The following AQP11 variants were observed in gnomAD, a reference collection of about 807,000 sequenced individuals.
The protein encoded by AQP11 is aquaporin-11.
In AQP11, 20 loss-of-function variants were observed where a neutral mutation model predicts 21.1. That is an observed-to-expected ratio of 0.95 (90% CI 0.67 to 1.38). AQP11 has a LOEUF of 1.38. AQP11 is among the 40% of genes most tolerant of loss of function. The probability of loss-of-function intolerance (pLI) is 0.00; values close to 1 mark genes in which losing one functional copy is unlikely to be tolerated. For synonymous variants in AQP11, 167 were observed against 150.1 expected, an observed-to-expected ratio of 1.11 and a Z score of -0.82; for missense variants, 339 against 340.4, an observed-to-expected ratio of 1.00 and a Z score of 0.03.
chr11:77,594,785 G>A (rs1958768738), intron 1 of AQP11, among the ~76,000 whole-genome samples: 1 of 152,096 alleles, frequency 6.6e-6, no homozygotes, highest in South Asian at 2.1e-4. Context: ...CAGTGACCAA[G>A]TGTCTGTGTA....
At chr11:77,599,670 C>G (rs144491347) in intron 1 of AQP11, among the ~76,000 whole-genome samples, 1 of 151,822 alleles carries the variant, frequency 6.6e-6, no homozygotes, top group Admixed American at 6.6e-5. Context: ...TCAAAACCTC[C>G]GCCTCCCCGG....
chr11:77,601,896 G>A (rs1000869410), intron 1 of AQP11, among the ~76,000 whole-genome samples: 1 of 152,300 alleles, frequency 6.6e-6, no homozygotes, highest in African/African-American at 2.4e-5. Context: ...TTCCAAGAGA[G>A]CAAAAAGTGG....
chr11:77,590,137 C>G lies in AQP11; in HGVS notation c.145C>G (p.Leu49Val). 5.0e-6 allele frequency: 8 copies of G among 1,608,664 alleles called. No homozygotes were observed. Among genetic ancestry groups the G allele is most frequent in the Non-Finnish European group, 5.1e-6 (6 of 1,179,782 alleles). ...CAGGCCGGTGGCCCACGCCTTCGTC[C>G]TGGAGTTTCTAGCCACCTTCCAGCT... ...LHRPVAHAFVLEFLATFQLCC... is the reference protein window; with the variant it reads ...LHRPVAHAFVVEFLATFQLCC... Residue 49 changes from leucine to valine, a missense_variant, in exon 1 of 3, where the codon CTG (leucine) becomes GTG (valine). Coordinates refer to ENST00000313578, the MANE Select transcript of AQP11 (RefSeq NM_173039.3).
intron 2 of AQP11, among the ~76,000 whole-genome samples, chr11:77,606,492 C>G (rs1235611213): frequency 6.6e-6 from 1 of 152,128 alleles, no homozygotes; most frequent in Admixed American, 6.6e-5. Flanking sequence ...CCACTTACCC[C>G]CTAATAATCC....
In AQP11 at chr11:77,609,695, G is replaced by A. The variant is rs985758727; in HGVS notation, c.*318G>A. 1 of 185,850 alleles carries A rather than the reference G, an allele frequency of 5.4e-6. No individual in the cohort carries two copies. The highest frequency in any genetic ancestry group is 5.9e-5 in the Admixed American group (1 of 16,844). The allele number at this position is 185,850 out of a possible 1,614,324, so 11.5% of individuals were successfully genotyped here. A position where few individuals can be genotyped will look rare whatever the true frequency, so the allele number is the denominator to read the frequency against. On this transcript the variant is annotated 3_prime_UTR_variant, in exon 3 of 3. Transcript: ENST00000313578. ...GAAAAACGAGTACAGGATGAGAAGG[G>A]AAGTAAAGGTGATAGTAAGATCAAC...
chr11:77,589,981 G>A lies in AQP11; in HGVS notation c.-12G>A. 1 of 1,468,134 alleles carries A rather than the reference G, an allele frequency of 6.8e-7. No homozygotes were observed. Among genetic ancestry groups the A allele is most frequent in the Non-Finnish European group, 9.0e-7 (1 of 1,116,812 alleles). The allele number at this position is 1,468,134 out of a possible 1,614,324, so 90.9% of individuals were successfully genotyped here. A position where few individuals can be genotyped will look rare whatever the true frequency, so the allele number is the denominator to read the frequency against. ...GCCGGAGCCCGCAACCCGCTCAGGC[G>A]GCGACGGAGCCATGTCGCCGCTGCT... On this transcript the variant is annotated 5_prime_UTR_variant, in exon 1 of 3. Transcript: ENST00000313578.
chr11:77,597,839 C>T (rs551529250), intron 1 of AQP11, among the ~76,000 whole-genome samples: 9 of 151,938 alleles, frequency 5.9e-5, no homozygotes, highest in Non-Finnish European at 1.2e-4. Flanking sequence ...CTGCAACCTC[C>T]GACCCCCAGG....
intron 2 of AQP11, among the ~76,000 whole-genome samples, chr11:77,604,931 C>T (rs1958835334): frequency 6.6e-6 from 1 of 152,184 alleles, no homozygotes; most frequent in Admixed American, 6.5e-5. Flanking sequence ...CAGTGGCTCA[C>T]GCCTGTAATC....
chr11:77,597,177 A>G (rs1283715124), intron 1 of AQP11, among the ~76,000 whole-genome samples: 1 of 152,208 alleles, frequency 6.6e-6, no homozygotes, highest in Non-Finnish European at 1.5e-5. Context: ...AAATTTGTCC[A>G]TTGAAAATAA....
chr11:77,605,628 G>A lies in AQP11; in HGVS notation c.736+1956G>A, dbSNP rs368120200. Among the ~76,000 whole-genome samples the A allele has an allele frequency of 1.3e-4, 20 of 152,244 alleles. No homozygotes were observed. The South Asian group carries it at 3.9e-3, about 30-fold the overall frequency. The stretch of plus-strand genomic sequence containing the variant: ...TAACTAATGCCTGATGATCCAAGGT[G>A]GAACAGTTCCATCCCAAAACCATGC... On this transcript the variant is annotated intron_variant, in intron 2 of 2. Coordinates refer to ENST00000313578, the MANE Select transcript of AQP11 (RefSeq NM_173039.3).
chr11:77,591,481 G>T (rs1396519827), intron 1 of AQP11, among the ~76,000 whole-genome samples: 1 of 152,170 alleles, frequency 6.6e-6, no homozygotes, highest in Non-Finnish European at 1.5e-5. Context: ...GAAATTTGTG[G>T]TAATAATCTT....
chr11:77,591,000 C>T, intron 1 of AQP11: 2 of 985,398 alleles, frequency 2.0e-6, no homozygotes, highest in Non-Finnish European at 2.4e-6. Context: ...CCTGGCTTTA[C>T]AAAGTTCCTT....
chr11:77,604,204 C>T (rs1958831572), intron 2 of AQP11, among the ~76,000 whole-genome samples: 1 of 152,104 alleles, frequency 6.6e-6, no homozygotes, highest in South Asian at 2.1e-4. Context: ...TGTGCTTGAA[C>T]TCCTGGGCAC....
chr11:77,596,283 A>G (rs1398682972), intron 1 of AQP11, among the ~76,000 whole-genome samples: 2 of 150,834 alleles, frequency 1.3e-5, no homozygotes, highest in African/African-American at 4.9e-5. Context: ...TCTCCTAAAA[A>G]TACAAAAATG....
chr11:77,590,257 C>T lies in AQP11; in HGVS notation c.265C>T (p.His89Tyr), dbSNP rs1455793387. Residue 89 changes from histidine (H) to tyrosine (Y), a missense_variant, in exon 1 of 3, where the codon CAT becomes TAT. Coordinates refer to ENST00000313578, the MANE Select transcript of AQP11 (RefSeq NM_173039.3). Reference sequence around the variant, plus strand: ...GCTCGTCTACTTCTTCTCGCTTGTGCATGGCCTGACTCTGGTGGGCACGTC... The same window carrying T: ...GCTCGTCTACTTCTTCTCGCTTGTGTATGGCCTGACTCTGGTGGGCACGTC... Reference protein sequence around the residue: ...LTLVYFFSLVHGLTLVGTSSN... With the variant: ...LTLVYFFSLVYGLTLVGTSSN... The T allele has an allele frequency of 1.2e-6, 2 of 1,601,336 alleles. No homozygotes were observed. Among genetic ancestry groups the T allele is most frequent in the Non-Finnish European group, 1.7e-6 (2 of 1,172,944 alleles).
intron 1 of AQP11, among the ~76,000 whole-genome samples, chr11:77,597,320 C>T (rs1272078408): frequency 6.6e-6 from 1 of 152,176 alleles, no homozygotes; most frequent in African/African-American, 2.4e-5. Flanking sequence ...GTCTGTAATC[C>T]CAGCACTTTG....
Position 77,598,428 on chromosome 11 carries a change from A to G in AQP11, c.620-5128A>G, listed in dbSNP as rs148362391. Among the ~76,000 whole-genome samples, 596 of 152,366 alleles carry G rather than the reference A, an allele frequency of 3.9e-3. 11 individuals carry two copies. Among genetic ancestry groups the G allele is most frequent in the Admixed American group, 0.027 (406 of 15,304 alleles). ...CGGTTATACCTCTTCTTCAACATGCATGATTGTCATCTCCCCTTCAAATGT... is the reference window on the plus strand; with the variant it reads ...CGGTTATACCTCTTCTTCAACATGCGTGATTGTCATCTCCCCTTCAAATGT... On this transcript the variant is annotated intron_variant, in intron 1 of 2. Coordinates refer to ENST00000313578, the MANE Select transcript of AQP11 (RefSeq NM_173039.3).
At chr11:77,608,869 T>C (rs1958861237) in intron 2 of AQP11, among the ~76,000 whole-genome samples, 1 of 152,216 alleles carries the variant, frequency 6.6e-6, no homozygotes. Flanking sequence ...TTTCAGTTGC[T>C]TTATTCTCTA....
intron 1 of AQP11, chr11:77,591,085 C>T (rs1323105413): frequency 5.1e-6 from 5 of 983,628 alleles, no homozygotes; most frequent in Non-Finnish European, 6.0e-6. Context: ...CCATTTTAGT[C>T]CTATAAATGA....
Sources: allele counts gnomAD v4.1 joint callset (sites outside exome capture counted in the v4.1 genomes callset), GRCh38; gene constraint gnomAD v4.1.1; transcripts MANE v1.5; gene names NCBI Gene and HGNC (gene_info 2026-07-23, HGNC 2026-07-21).